The following ATXN7L1 variants were observed in gnomAD, a reference collection of about 807,000 sequenced individuals.
ATXN7L1 encodes ataxin-7-like protein 1.
ATXN7L1 carries 15 observed loss-of-function variants against 70.8 expected under a neutral mutation model. The ratio of observed to expected loss-of-function variants is 0.21; its 90% confidence interval spans 0.14 to 0.33. The LOEUF (loss-of-function observed/expected upper bound fraction) is 0.33, where lower values mean the gene tolerates loss of function less well. ATXN7L1 is among the 10% of genes least tolerant of loss of function. The pLI is 1.00. For synonymous variants in ATXN7L1, 440 were observed against 445.1 expected (o/e 0.99, Z 0.14); for missense variants, 975 against 1,097.1 (o/e 0.89, Z 1.57).
rs186944647 is a variant in ATXN7L1, at chr7:105,696,356, G to C, written c.356-31068C>G. Among the ~76,000 whole-genome samples the C allele has an allele frequency of 2.0e-4, 31 of 152,318 alleles. 1 individual carries two copies. The highest frequency in any genetic ancestry group is 1.1e-3 in the Admixed American group (17 of 15,296). On this transcript the variant is annotated intron_variant, in intron 3 of 11. Coordinates refer to ENST00000419735, the MANE Select transcript of ATXN7L1 (RefSeq NM_020725.2). The stretch of plus-strand genomic sequence containing the variant: ...ATCCATGCTGCCTGAAAGAATATGG[G>C]TGCTAGGTGAATCAGAACAGTCTTG...
intron 4 of ATXN7L1, among the ~76,000 whole-genome samples, chr7:105,661,649 G>A (rs1459580598): frequency 6.6e-6 from 1 of 152,176 alleles, no homozygotes; most frequent in Non-Finnish European, 1.5e-5. Context: ...TGCACTCTGG[G>A]ATAGCTCAGA....
intron 8 of ATXN7L1, among the ~76,000 whole-genome samples, chr7:105,622,430 A>G (rs1231419468): frequency 2.0e-5 from 3 of 152,242 alleles, no homozygotes; most frequent in Non-Finnish European, 4.4e-5. Flanking sequence ...GAGAGGCTCC[A>G]GTTCCCGGCT....
chr7:105,852,515 T>C (rs538087993), intron 2 of ATXN7L1, among the ~76,000 whole-genome samples: 2 of 152,140 alleles, frequency 1.3e-5, no homozygotes, highest in South Asian at 4.1e-4. Context: ...AAAGGCACCC[T>C]CTCTGGTCAG....
intron 2 of ATXN7L1, among the ~76,000 whole-genome samples, chr7:105,830,145 G>C (rs1811403692): frequency 6.6e-6 from 1 of 152,212 alleles, no homozygotes; most frequent in African/African-American, 2.4e-5. Context: ...GACAAGTATA[G>C]GAGGTAGATC....
chr7:105,631,306 T>C (rs1478379866), intron 7 of ATXN7L1, among the ~76,000 whole-genome samples: 1 of 152,158 alleles, frequency 6.6e-6, no homozygotes, highest in African/African-American at 2.4e-5. Context: ...GCTGGCCACC[T>C]CTAGGACATT....
intron 2 of ATXN7L1, among the ~76,000 whole-genome samples, chr7:105,804,951 A>T (rs1807341652): frequency 6.6e-6 from 1 of 152,232 alleles, no homozygotes; most frequent in Non-Finnish European, 1.5e-5. Flanking sequence ...GCAGGCAGGG[A>T]AGTAACAAGA....
intron 2 of ATXN7L1, among the ~76,000 whole-genome samples, chr7:105,853,539 G>A (rs1815219303): frequency 6.6e-6 from 1 of 151,784 alleles, no homozygotes; most frequent in African/African-American, 2.4e-5. Flanking sequence ...GGGTGACAGA[G>A]CAAGACTCGG....
intron 3 of ATXN7L1, among the ~76,000 whole-genome samples, chr7:105,767,017 C>T (rs117879921): frequency 0.013 from 1,973 of 152,290 alleles, 59 homozygotes; most frequent in East Asian, 0.11. Flanking sequence ...CCACACACTG[C>T]AGTGAGGCAG....
intron 3 of ATXN7L1, among the ~76,000 whole-genome samples, chr7:105,718,408 G>C (rs1354671539): frequency 6.6e-6 from 1 of 152,162 alleles, no homozygotes; most frequent in Non-Finnish European, 1.5e-5. Flanking sequence ...ATATAAATGG[G>C]ATCCACTTCC....
intron 3 of ATXN7L1, among the ~76,000 whole-genome samples, chr7:105,678,561 A>G (rs1293907283): frequency 1.3e-5 from 2 of 152,250 alleles, no homozygotes; most frequent in Admixed American, 6.5e-5. Context: ...TTGAATAGAA[A>G]GGACCCTGAA....
At chr7:105,819,600 C>T (rs1050372295) in intron 2 of ATXN7L1, 5 of 912,188 alleles carry the variant, frequency 5.5e-6, no homozygotes, top group African/African-American at 4.9e-5. Context: ...GGAGGTCGTA[C>T]GCTGTGAGGG....
At chr7:105,810,083 C>CTT (rs1808211441) in intron 2 of ATXN7L1, among the ~76,000 whole-genome samples, 1 of 152,230 alleles carries the variant, frequency 6.6e-6, no homozygotes, top group African/African-American at 2.4e-5. Context: ...AGACTCCATT[C>CTT]TCTTGAACAT....
chr7:105,708,592 T>A (rs1055178888), intron 3 of ATXN7L1, among the ~76,000 whole-genome samples: 1 of 152,250 alleles, frequency 6.6e-6, no homozygotes, highest in African/African-American at 2.4e-5. Flanking sequence ...TGAAATGGGT[T>A]AAAAATGTTG....
At chr7:105,732,793 G>T (rs934352773) in intron 3 of ATXN7L1, among the ~76,000 whole-genome samples, 2 of 152,118 alleles carry the variant, frequency 1.3e-5, no homozygotes, top group East Asian at 3.9e-4. Flanking sequence ...TGTCTGCCTC[G>T]TTTACTTCCC....
chr7:105,846,179 A>G (rs1052842674), intron 2 of ATXN7L1, among the ~76,000 whole-genome samples: 11 of 152,226 alleles, frequency 7.2e-5, no homozygotes, highest in African/African-American at 2.7e-4. Flanking sequence ...ATACATATCC[A>G]GAATAAATAA....
chr7:105,699,542 T>C (rs1436604101), intron 3 of ATXN7L1, among the ~76,000 whole-genome samples: 1 of 152,248 alleles, frequency 6.6e-6, no homozygotes, highest in African/African-American at 2.4e-5. Flanking sequence ...ATTATGACTT[T>C]AGAGCCTACG....
chr7:105,733,860 A>T (rs1797044087), intron 3 of ATXN7L1, among the ~76,000 whole-genome samples: 6 of 145,448 alleles, frequency 4.1e-5, no homozygotes, highest in African/African-American at 1.6e-4. Context: ...CCATCCATCC[A>T]TCCATCCATC....
chr7:105,718,503 G>A (rs1022491756), intron 3 of ATXN7L1, among the ~76,000 whole-genome samples: 1 of 152,206 alleles, frequency 6.6e-6, no homozygotes, highest in Non-Finnish European at 1.5e-5. Context: ...AAGAGGCAGG[G>A]TCATATCTAC....
chr7:105,853,595 CA>C (rs1170884634), intron 2 of ATXN7L1, among the ~76,000 whole-genome samples: 1 of 148,472 alleles, frequency 6.7e-6, no homozygotes, highest in Non-Finnish European at 1.5e-5. Flanking sequence ...ACAAAAAAAA[CA>C]AAAAAAGCCC....
Sources: gnomAD v4.1 joint callset for allele counts (sites outside exome capture counted in the v4.1 genomes callset) on GRCh38, gnomAD v4.1.1 for gene constraint, MANE v1.5 for transcripts, NCBI Gene and HGNC (gene_info 2026-07-23, HGNC 2026-07-21) for gene names.